THBS1: variants seen among roughly 807,000 people sequenced by gnomAD.
THBS1 encodes thrombospondin 1, also known as thrombospondin-1.
A neutral mutation model predicts 126.1 loss-of-function variants in THBS1; 29 were observed. The observed-to-expected ratio is 0.23, with a 90% confidence interval of 0.17 to 0.31. The LOEUF (loss-of-function observed/expected upper bound fraction) is 0.31, where lower values mean the gene tolerates loss of function less well. Among genes scored for constraint, THBS1 ranks in the 10% least tolerant of loss-of-function variants. The pLI is 1.00. For synonymous variants in THBS1, 496 were observed against 577.8 expected (o/e 0.86, Z 2.03); for missense variants, 1,198 against 1,545.2 (o/e 0.78, Z 3.77).
chr15:39,583,929 A>ACTCAAGAGGCTGGTTGGTAAGAG, intron 4 of THBS1, 59 bp from the exon 5 acceptor site: 8 of 1,589,782 alleles, frequency 5.0e-6, no homozygotes, highest in Non-Finnish European at 6.9e-6. Context: ...ACCACTAAGA[A>ACTCAAGAGGCTGGTTGGTAAGAG]CTCAAGAGGC....
rs575827755 is a variant in THBS1 at position 39,589,543 on chromosome 15, C to T, written c.1926+189C>T. Among the ~76,000 whole-genome samples, 4 of 152,258 alleles carry T rather than the reference C, an allele frequency of 2.6e-5. No homozygotes were observed. Among genetic ancestry groups the T allele is most frequent in the Non-Finnish European group, 4.4e-5 (3 of 68,012 alleles). ...AATCCTGCAGGGGAAAAACAGTCTTCCATATTTAAAAATGCTGCTCTGGAA... is the reference window on the plus strand; with the variant it reads ...AATCCTGCAGGGGAAAAACAGTCTTTCATATTTAAAAATGCTGCTCTGGAA... On this transcript the variant is annotated intron_variant, in intron 12 of 21. Transcript: ENST00000260356. This position sits in a 1 kb window ranked among gnomAD's most constrained non-coding sequence, Gnocchi z 4.7.
chr15:39,588,609 T>C lies in THBS1; in HGVS notation c.1555T>C (p.Cys519Arg), dbSNP rs1223692427. The change falls in exon 10 of 22, where the codon TGC becomes CGC. Residue 519 changes from cysteine to arginine, a missense_variant. Physicochemically the swap from Cys to Arg is radical, Grantham distance 180. Coordinates refer to ENST00000260356, the MANE Select transcript of THBS1 (RefSeq NM_003246.4). Reference sequence around the variant, plus strand: ...AGGGGTACAGAAACGTAGTCGTCTCTGCAACAACCCCACACCCCAGTTTGG... The same window carrying C: ...AGGGGTACAGAAACGTAGTCGTCTCCGCAACAACCCCACACCCCAGTTTGG... The part of the protein sequence containing the change: ...GGGVQKRSRL[C>R]NNPTPQFGGK... 3 of 1,611,246 alleles carry C rather than the reference T, an allele frequency of 1.9e-6. No homozygotes were observed. In the South Asian group the frequency reaches 3.3e-5, roughly 18 times the overall value.
rs1890521460 is a variant in THBS1, at chr15:39,598,183, C to G, written c.*2814C>G. 6.6e-6 allele frequency: 1 copy of G among 152,098 alleles called. No homozygotes were observed. The highest frequency in any genetic ancestry group is 1.5e-5 in the Non-Finnish European group (1 of 68,022). The allele number at this position is 152,098 out of a possible 1,614,324, so 9.4% of individuals were successfully genotyped here. A position where few individuals can be genotyped will look rare whatever the true frequency, so the allele number is the denominator to read the frequency against. ...AGTTAATTTCCAGTTTTAATGAAAA[C>G]AGATCAAAGAAGAAATTTTATGAGT... On this transcript the variant is annotated 3_prime_UTR_variant, in exon 22 of 22. Transcript: ENST00000260356.
At chr15:39,586,851 C>T (rs1890217261) in intron 7 of THBS1, 2 of 152,376 alleles carry the variant, frequency 1.3e-5, no homozygotes, top group African/African-American at 4.8e-5. Flanking sequence ...TGTGGGAAGG[C>T]TCAGCTGTAC....
In THBS1 at chr15:39,594,867, GTTAAA is replaced by G. The variant is rs1890402541; in HGVS notation, c.3505+432_3505+436del. On this transcript the variant is annotated intron_variant, in intron 21 of 21. Transcript: ENST00000260356. The surrounding 1 kb of genome is among the most constrained non-coding windows in gnomAD (Gnocchi z 4.4). ...AGGAATGTTGCTTTCATATTGGCAT[GTTAAA>G]TTAATGTTCACTATTAAACTTAGCA... Among the ~76,000 whole-genome samples, 1 of 152,294 alleles carries G rather than the reference GTTAAA, an allele frequency of 6.6e-6. No individual in the cohort carries two copies. Among genetic ancestry groups the G allele is most frequent in the Middle Eastern group, 3.4e-3 (1 of 294 alleles).
chr15:39,587,364 G>A lies in THBS1; in HGVS notation c.1138G>A (p.Asp380Asn), dbSNP rs1178564320. 2.0e-5 allele frequency: 32 copies of A among 1,612,964 alleles called. No homozygotes were observed. The highest frequency in any genetic ancestry group is 8.8e-5 in the South Asian group (8 of 91,054). The stretch of plus-strand genomic sequence containing the variant: ...CCCTGCAGCCAGCGACTCTGCGGAC[G>A]ATGGCTGGTCTCCATGGTCCGAGTG... ...PRCWPSDSAD[D>N]GWSPWSEWTS... Residue 380 changes from aspartate (D) to asparagine (N), a missense_variant, in exon 8 of 22, where the codon GAT (aspartate) becomes AAT (asparagine). Physicochemically the swap from Asp to Asn is conservative, Grantham distance 23. Transcript: ENST00000260356.
rs1164250507 is a variant in THBS1 at position 39,590,027 on chromosome 15, G to A, written c.2145+4G>A. 3 of 1,588,386 alleles carry A rather than the reference G, an allele frequency of 1.9e-6. No homozygotes were observed. In the South Asian group the frequency reaches 3.4e-5, roughly 18 times the overall value. On this transcript the variant is annotated splice_donor_region_variant and intron_variant, in intron 13 of 21. Transcript: ENST00000260356. ...TGCGACTTACCACTGCAAAAAGGTA[G>A]AGCCAGGTCCTTTGTGTGCCTCCAG...
chr15:39,588,030 T>A lies in THBS1; in HGVS notation c.1295-12T>A. 6.2e-7 allele frequency: 1 copy of A among 1,613,336 alleles called. No individual in the cohort carries two copies. Among genetic ancestry groups the A allele is most frequent in the Non-Finnish European group, 8.5e-7 (1 of 1,179,630 alleles). Reference sequence around the variant, plus strand: ...GCCAAAACCATTTGTGACCATCAACTCTGTACTTTAGTTAAACAGGATGGT... The same window carrying A: ...GCCAAAACCATTTGTGACCATCAACACTGTACTTTAGTTAAACAGGATGGT... On this transcript the variant is annotated splice_polypyrimidine_tract_variant and intron_variant, in intron 8 of 21. Coordinates refer to ENST00000260356, the MANE Select transcript of THBS1 (RefSeq NM_003246.4).
chr15:39,587,257 T>C, intron 7 of THBS1, 90 bp from the exon 8 acceptor site: 1 of 1,323,294 alleles, frequency 7.6e-7, no homozygotes, highest in Non-Finnish European at 1.0e-6. Context: ...CTTTTCACCC[T>C]CTGGCAAGTG....
chr15:39,584,486 G>A, intron 6 of THBS1, 64 bp downstream of exon 6: 1 of 1,597,212 alleles, frequency 6.3e-7, no homozygotes. Context: ...CATCTTTGGG[G>A]AAATACCCTA....
intron 15 of THBS1, 35 bp downstream of exon 15, chr15:39,591,385 A>T: frequency 6.2e-7 from 1 of 1,601,020 alleles, no homozygotes; most frequent in Non-Finnish European, 8.5e-7. Context: ...CCCGCGGGAG[A>T]CAGGGACATG....
chr15:39,588,865 CT>C (rs1254773008), intron 10 of THBS1, 93 bp from the exon 11 acceptor site: 3 of 1,607,906 alleles, frequency 1.9e-6, no homozygotes, highest in Middle Eastern at 1.7e-4. Flanking sequence ...TCCCTATACC[CT>C]ATAATATCTT....
Position 39,593,846 on chromosome 15 carries a change from A to G in THBS1, c.3267+178A>G. On this transcript the variant is annotated intron_variant, in intron 19 of 21. Coordinates refer to ENST00000260356, the MANE Select transcript of THBS1 (RefSeq NM_003246.4). This position sits in a 1 kb window ranked among gnomAD's most constrained non-coding sequence, Gnocchi z 5.9. ...ATAGTGTTGAAAAGGGAGCTTGACCAAGAATTGCCCTGCAAATCCTAAGGT... is the reference window on the plus strand; with the variant it reads ...ATAGTGTTGAAAAGGGAGCTTGACCGAGAATTGCCCTGCAAATCCTAAGGT... The G allele has an allele frequency of 1.9e-6, 2 of 1,078,508 alleles. No individual in the cohort carries two copies. Among genetic ancestry groups the G allele is most frequent in the Non-Finnish European group, 1.3e-6 (1 of 768,210 alleles). The allele number at this position is 1,078,508 out of a possible 1,614,324, so 66.8% of individuals were successfully genotyped here. A position where few individuals can be genotyped will look rare whatever the true frequency, so the allele number is the denominator to read the frequency against.
chr15:39,593,926 T>C lies in THBS1; in HGVS notation c.3268-173T>C, dbSNP rs1890380438. 6 of 869,690 alleles carry C rather than the reference T, an allele frequency of 6.9e-6. No homozygotes were observed. Among genetic ancestry groups the C allele is most frequent in the Non-Finnish European group, 1.0e-5 (6 of 579,034 alleles). The allele number at this position is 869,690 out of a possible 1,614,324, so 53.9% of individuals were successfully genotyped here. A position where few individuals can be genotyped will look rare whatever the true frequency, so the allele number is the denominator to read the frequency against. On this transcript the variant is annotated intron_variant, in intron 19 of 21. Transcript: ENST00000260356. This position sits in a 1 kb window ranked among gnomAD's most constrained non-coding sequence, Gnocchi z 5.9. ...CCTTCCCTCCTCTCTGTCTGCTTTA[T>C]ATGTGTGCTCAGTGGCACACAACAA...
At chr15:39,581,737 G>T in intron 1 of THBS1, 92 bp from the exon 2 acceptor site, 1 of 704,240 alleles carries the variant, frequency 1.4e-6, no homozygotes, top group South Asian at 1.8e-5. Context: ...GGATGGTCCC[G>T]GCCCTGTCCC....
chr15:39,590,555 T>A lies in THBS1; in HGVS notation c.2185T>A (p.Tyr729Asn). The A allele has an allele frequency of 6.2e-7, 1 of 1,613,984 alleles. No homozygotes were observed. The highest frequency in any genetic ancestry group is 8.5e-7 in the Non-Finnish European group (1 of 1,179,994). Residue 729 changes from tyrosine to asparagine, a missense_variant, in exon 14 of 22, where the codon TAT becomes AAT. Physicochemically the swap from Tyr to Asn is moderately radical, Grantham distance 143. Around this residue, in one of 4 missense-constraint regions of THBS1, gnomAD observed 663 missense variants for 860.1 expected, o/e 0.77. Coordinates refer to ENST00000260356, the MANE Select transcript of THBS1 (RefSeq NM_003246.4). ...CCTTCCCAACTCAGGGCAGGAAGAC[T>A]ATGACAAGGATGGAATTGGTGATGC... The part of the protein sequence containing the change: ...PNLPNSGQED[Y>N]DKDGIGDACD...
chr15:39,591,131 T>G, intron 14 of THBS1, 60 bp from the exon 15 acceptor site: 1 of 1,573,608 alleles, frequency 6.4e-7, no homozygotes, highest in Admixed American at 1.7e-5. Flanking sequence ...GCACATGGTT[T>G]GAGGCTTGAG....
At chr15:39,590,702 C>T in intron 14 of THBS1, 79 bp downstream of exon 14, 1 of 1,119,214 alleles carries the variant, frequency 8.9e-7, no homozygotes, top group Non-Finnish European at 1.3e-6. Context: ...AAGGAAATTA[C>T]ATGGCTATAG....
intron 7 of THBS1, 37 bp downstream of exon 7, chr15:39,585,600 C>T (rs1890195388): frequency 6.3e-7 from 1 of 1,590,840 alleles, no homozygotes; most frequent in Non-Finnish European, 8.6e-7. Flanking sequence ...TCTTCAGTGA[C>T]TAGGTCAGTT....
Sources: allele counts gnomAD v4.1 joint callset (sites outside exome capture counted in the v4.1 genomes callset), GRCh38; gene constraint gnomAD v4.1.1; regional missense constraint gnomAD v4.1.1; non-coding constraint Gnocchi (gnomAD v3.1); transcripts MANE v1.5; gene names NCBI Gene and HGNC (gene_info 2026-07-23, HGNC 2026-07-21).